TPRG1: variants seen among roughly 807,000 people sequenced by gnomAD.
TPRG1 encodes the protein tumor protein p63-regulated gene 1 protein.
In TPRG1, 29 loss-of-function variants were observed where a neutral mutation model predicts 29.3. That is an observed-to-expected ratio of 0.99 (90% CI 0.74 to 1.35). The LOEUF is 1.35. Ranked by LOEUF, TPRG1 falls within the 40% of genes most tolerant of loss-of-function variation. The pLI, the probability that TPRG1 is intolerant of heterozygous loss-of-function variation, is 0.00. For synonymous variants in TPRG1, 130 were observed against 116.8 expected (o/e 1.11, Z -0.73); for missense variants, 327 against 335.0 (o/e 0.98, Z 0.19).
intron 4 of TPRG1, among the ~76,000 whole-genome samples, chr3:189,281,911 C>T (rs1258905899): frequency 6.6e-6 from 1 of 151,984 alleles, no homozygotes; most frequent in Non-Finnish European, 1.5e-5. Flanking sequence ...GACAGAGTCT[C>T]TCTCTGTCGC....
chr3:189,237,315 TCACA>T (rs1484744555), intron 3 of TPRG1, among the ~76,000 whole-genome samples: 4 of 151,736 alleles, frequency 2.6e-5, no homozygotes, highest in Admixed American at 1.3e-4. Flanking sequence ...ACACACGCAC[TCACA>T]CACACAGGGT....
intron 4 of TPRG1, among the ~76,000 whole-genome samples, chr3:189,247,522 T>C (rs923571494): frequency 6.6e-6 from 1 of 152,034 alleles, no homozygotes; most frequent in African/African-American, 2.4e-5. Context: ...TGTAAAATAC[T>C]ATGGGATTTA....
chr3:189,033,828 G>A (rs1414323280), intron 4 of TPRG1, among the ~76,000 whole-genome samples: 5 of 151,698 alleles, frequency 3.3e-5, no homozygotes, highest in South Asian at 2.1e-4. Context: ...CACCTGCCTC[G>A]GCCTCCCAAA....
At chr3:189,014,986 G>A (rs1560394376) in intron 3 of TPRG1, among the ~76,000 whole-genome samples, 1 of 152,196 alleles carries the variant, frequency 6.6e-6, no homozygotes, top group Non-Finnish European at 1.5e-5. Context: ...TTAGCAAGTA[G>A]AGGTTGGAAC....
chr3:189,234,573 G>A (rs1459059606), intron 3 of TPRG1, among the ~76,000 whole-genome samples: 2 of 152,134 alleles, frequency 1.3e-5, no homozygotes, highest in Admixed American at 1.3e-4. Flanking sequence ...GTTATTTTGT[G>A]GGGTACTATT....
In TPRG1 at chr3:189,229,056, C is replaced by T. The variant is rs114019012; in HGVS notation, c.303-9677C>T. 4.2e-3 allele frequency among the ~76,000 whole-genome samples: 644 copies of T among 152,182 alleles called. 5 individuals are homozygous for T. Among genetic ancestry groups the T allele is most frequent in the African/African-American group, 0.015 (619 of 41,520 alleles). ...AAAGAAGAATTACTTAGGTACAAAT[C>T]GCACAAACATGTATAGGACTTGTAT... On this transcript the variant is annotated intron_variant, in intron 3 of 5. Coordinates refer to ENST00000345063, the MANE Select transcript of TPRG1 (RefSeq NM_198485.4).
chr3:189,011,798 C>G (rs982010180), intron 3 of TPRG1, among the ~76,000 whole-genome samples: 1 of 152,158 alleles, frequency 6.6e-6, no homozygotes, highest in African/African-American at 2.4e-5. Flanking sequence ...TGTGTCCTCT[C>G]TGATTTCTTT....
intron 5 of TPRG1, among the ~76,000 whole-genome samples, chr3:189,162,566 G>A (rs1310080384): frequency 6.6e-6 from 1 of 152,198 alleles, no homozygotes; most frequent in Non-Finnish European, 1.5e-5. Flanking sequence ...ATTTGGAAGT[G>A]GTGGGGTTTA....
chr3:189,299,626 AT>A (rs60136863), intron 4 of TPRG1, among the ~76,000 whole-genome samples: 2,420 of 135,548 alleles, frequency 0.018, 36 homozygotes, highest in African/African-American at 0.041. Context: ...TGAGTTGTGT[AT>A]TTTTTTTTTT....
chr3:189,000,045 G>A (rs1380896768), intron 1 of TPRG1, among the ~76,000 whole-genome samples: 1 of 151,982 alleles, frequency 6.6e-6, no homozygotes, highest in African/African-American at 2.4e-5. Flanking sequence ...TAATAAAAAA[G>A]AAAATAACAC....
chr3:189,101,060 G>A (rs1719141152), intron 1 of TPRG1, among the ~76,000 whole-genome samples: 1 of 152,216 alleles, frequency 6.6e-6, no homozygotes, highest in South Asian at 2.1e-4. Flanking sequence ...TGGCAGCCAT[G>A]CCCTTGGGTC....
intron 4 of TPRG1, among the ~76,000 whole-genome samples, chr3:189,243,182 C>A (rs115145175): frequency 0.017 from 2,521 of 152,194 alleles, 76 homozygotes; most frequent in African/African-American, 0.058. Flanking sequence ...AATTTCTAAT[C>A]ATGGCAGAAA....
chr3:189,224,842 T>C (rs566488806), intron 3 of TPRG1, among the ~76,000 whole-genome samples: 113 of 151,892 alleles, frequency 7.4e-4, no homozygotes, highest in Non-Finnish European at 1.4e-3. Context: ...CACCAGCCCC[T>C]CTTTATTCTC....
chr3:189,300,365 C>T (rs568179776), intron 4 of TPRG1, among the ~76,000 whole-genome samples: 2 of 152,280 alleles, frequency 1.3e-5, no homozygotes, highest in South Asian at 2.1e-4. Context: ...ATTTAGGCCT[C>T]GCTCTTAAGA....
chr3:189,051,262 C>T (rs565252492), intron 4 of TPRG1, among the ~76,000 whole-genome samples: 1 of 152,238 alleles, frequency 6.6e-6, no homozygotes. Flanking sequence ...TTAATGTACA[C>T]AAATCAGTAG....
At chr3:189,195,970 C>T (rs1732465812) in intron 1 of TPRG1, among the ~76,000 whole-genome samples, 1 of 152,138 alleles carries the variant, frequency 6.6e-6, no homozygotes, top group South Asian at 2.1e-4. Context: ...TTCTGACTGT[C>T]TTTGTAAAGA....
chr3:189,063,636 T>G (rs1716256876), intron 4 of TPRG1, among the ~76,000 whole-genome samples: 1 of 151,676 alleles, frequency 6.6e-6, no homozygotes, highest in Admixed American at 6.6e-5. Flanking sequence ...ATGTGGGAAT[T>G]AAGCAACATA....
intron 1 of TPRG1, among the ~76,000 whole-genome samples, chr3:189,172,813 C>G (rs1004753449): frequency 6.6e-6 from 1 of 152,180 alleles, no homozygotes; most frequent in Non-Finnish European, 1.5e-5. Flanking sequence ...GCGCCTGAGA[C>G]ATCCTCCAGA....
chr3:189,085,907 TAGTC>T (rs1181657320), intron 4 of TPRG1, among the ~76,000 whole-genome samples: 2 of 152,178 alleles, frequency 1.3e-5, no homozygotes, highest in African/African-American at 4.8e-5. Flanking sequence ...ATCACTGTAT[TAGTC>T]AGGGTTCTCT....
Sources: gnomAD v4.1 joint callset for allele counts (sites outside exome capture counted in the v4.1 genomes callset) on GRCh38, gnomAD v4.1.1 for gene constraint, MANE v1.5 for transcripts, NCBI Gene and HGNC (gene_info 2026-07-23, HGNC 2026-07-21) for gene names.